Variants in PTPRU observed in about 807,000 individuals in gnomAD.
PTPRU encodes protein tyrosine phosphatase receptor type U, also known as receptor-type tyrosine-protein phosphatase U.
A neutral mutation model predicts 166.3 loss-of-function variants in PTPRU; 69 were observed. That is an observed-to-expected ratio of 0.41 (90% CI 0.34 to 0.51). The LOEUF is 0.51. PTPRU is among the 20% of genes least tolerant of loss of function. PTPRU has a pLI of 0.09. For missense variants in PTPRU, 1,657 were observed against 2,013.7 expected, an observed-to-expected ratio of 0.82 and a Z score of 3.39; for synonymous variants, 793 against 814.0, an observed-to-expected ratio of 0.97 and a Z score of 0.44.
intron 14 of PTPRU, among the ~76,000 whole-genome samples, chr1:29,286,881 T>C (rs1172014348): frequency 1.3e-5 from 2 of 152,116 alleles, no homozygotes; most frequent in Non-Finnish European, 2.9e-5. Flanking sequence ...ACTCTGGACC[T>C]CCTTACTTCC....
intron 18 of PTPRU, among the ~76,000 whole-genome samples, chr1:29,308,394 T>C (rs907340304): frequency 2.0e-5 from 3 of 151,056 alleles, no homozygotes; most frequent in Non-Finnish European, 3.0e-5. Flanking sequence ...CATAGTGAGA[T>C]TGCCTCTACA....
chr1:29,297,629 G>T (rs1686951746), intron 15 of PTPRU, among the ~76,000 whole-genome samples: 1 of 152,192 alleles, frequency 6.6e-6, no homozygotes, highest in Non-Finnish European at 1.5e-5. Context: ...ACAGGGAGAG[G>T]TGTGACTGCA....
rs115910206 is a variant in PTPRU, at chr1:29,250,925, A to G, written c.74-4350A>G. 2.9e-3 allele frequency among the ~76,000 whole-genome samples: 441 copies of G among 152,324 alleles called. 3 individuals carry two copies. The highest frequency in any genetic ancestry group is 9.8e-3 in the African/African-American group (408 of 41,572). ...CAGAGACACAGGTCTAGAGACGGAC[A>G]TGGGTCAGGGAGAGGGAGTGAATCT... is the stretch of plus-strand genomic sequence containing the variant. On this transcript the variant is annotated intron_variant, in intron 1 of 29. Coordinates refer to ENST00000373779, the MANE Select transcript of PTPRU (RefSeq NM_133178.4).
intron 3 of PTPRU, 99 bp downstream of exon 3, chr1:29,258,875 G>A: frequency 1.1e-5 from 16 of 1,475,338 alleles, no homozygotes; most frequent in East Asian, 2.3e-5. Flanking sequence ...GTTAGAATGT[G>A]TCTGCATTCA....
chr1:29,324,151 TCCATCCATCCATCCAC>T (rs1688296123), intron 28 of PTPRU, among the ~76,000 whole-genome samples: 1 of 152,200 alleles, frequency 6.6e-6, no homozygotes, highest in South Asian at 2.1e-4. Flanking sequence ...ACTTTTTCCA[TCCATCCATCCATCCAC>T]CCATCCATCC....
chr1:29,283,763 C>G (rs1487855172), intron 12 of PTPRU, 177 bp from the exon 13 acceptor site: 2 of 708,622 alleles, frequency 2.8e-6, no homozygotes, highest in Admixed American at 4.8e-5. Context: ...GGTGCCTCCC[C>G]TCTAGGCCCC....
chr1:29,295,525 A>G (rs2151959507), intron 15 of PTPRU, among the ~76,000 whole-genome samples: 1 of 152,304 alleles, frequency 6.6e-6, no homozygotes, highest in Non-Finnish European at 1.5e-5. Flanking sequence ...GTCTTTCAAT[A>G]ATTCTCTCCA....
Position 29,320,874 on chromosome 1 carries a change from CTG to C in PTPRU, c.3828+53_3828+54del, listed in dbSNP as rs763724536. 1 of 1,487,966 alleles carries C rather than the reference CTG, an allele frequency of 6.7e-7. No individual in the cohort carries two copies. The highest frequency in any genetic ancestry group is 1.4e-5 in the African/African-American group (1 of 71,586). 92.2% of individuals were successfully genotyped at this position (1,487,966 alleles called of 1,614,324 possible). ...AATGGGCCGCCTGCTCCCAGGTCCT[CTG>C]TGTATTCAGGGCCATGGTCCCCAAA... On this transcript the variant is annotated intron_variant, in intron 26 of 29. Coordinates refer to ENST00000373779, the MANE Select transcript of PTPRU (RefSeq NM_133178.4). The surrounding 1 kb of genome is among the most constrained non-coding windows in gnomAD (Gnocchi z 5.2).
Position 29,317,663 on chromosome 1 carries a change from C to A in PTPRU, c.3514-85C>A. 1 of 1,403,752 alleles carries A rather than the reference C, an allele frequency of 7.1e-7. No individual in the cohort carries two copies. Among genetic ancestry groups the A allele is most frequent in the Non-Finnish European group, 9.6e-7 (1 of 1,036,888 alleles). 87.0% of individuals were successfully genotyped at this position (1,403,752 alleles called of 1,614,324 possible). ...TCCATCCATAAAATGGGATTAGTAACTCAGTCCAGCCTCCTTCATGGGGAT... is the reference window on the plus strand; with the variant it reads ...TCCATCCATAAAATGGGATTAGTAAATCAGTCCAGCCTCCTTCATGGGGAT... On this transcript the variant is annotated intron_variant, in intron 24 of 29. Transcript: ENST00000373779. This position sits in a 1 kb window ranked among gnomAD's most constrained non-coding sequence, Gnocchi z 5.6.
rs192037486 is a variant in PTPRU, at chr1:29,273,801, C to T, written c.1145-1647C>T. Among the ~76,000 whole-genome samples the T allele has an allele frequency of 1.6e-4, 25 of 152,230 alleles. No individual in the cohort carries two copies. The East Asian group carries it at 1.9e-3, about 12-fold the overall frequency. ...GCACCTCCCTTCTGCTGGGGTAGCT[C>T]GCTCTCTCCTGAGGCATCAGTGAAT... is the stretch of plus-strand genomic sequence containing the variant. On this transcript the variant is annotated intron_variant, in intron 7 of 29. Transcript: ENST00000373779.
chr1:29,319,639 G>C (rs1396817395), intron 25 of PTPRU, among the ~76,000 whole-genome samples: 1 of 152,244 alleles, frequency 6.6e-6, no homozygotes, highest in Non-Finnish European at 1.5e-5. Context: ...GTCCTGGAGA[G>C]AGATCGCTGG....
Position 29,280,981 on chromosome 1 carries a change from G to A in PTPRU, c.1868+840G>A, listed in dbSNP as rs775624065. ...CAAGGCCACACAGCTAGTAAGTGGT[G>A]GAGCTGGGATTTGGAAGCCAGGTCT... On this transcript the variant is annotated intron_variant, in intron 11 of 29. Coordinates refer to ENST00000373779, the MANE Select transcript of PTPRU (RefSeq NM_133178.4). This position sits in a 1 kb window ranked among gnomAD's most constrained non-coding sequence, Gnocchi z 4.2. 2.0e-5 allele frequency among the ~76,000 whole-genome samples: 3 copies of A among 152,190 alleles called. No individual in the cohort carries two copies. The highest frequency in any genetic ancestry group is 4.4e-5 in the Non-Finnish European group (3 of 68,036).
intron 14 of PTPRU, among the ~76,000 whole-genome samples, chr1:29,290,658 C>T (rs1176402721): frequency 6.6e-6 from 1 of 152,262 alleles, no homozygotes; most frequent in Non-Finnish European, 1.5e-5. Context: ...AACAACTCAA[C>T]ACCCAGCGAC....
Position 29,260,915 on chromosome 1 carries a change from A to C in PTPRU, c.1144+12A>C, listed in dbSNP as rs114348199. On this transcript the variant is annotated intron_variant, in intron 7 of 29. Transcript: ENST00000373779. The surrounding 1 kb of genome is among the most constrained non-coding windows in gnomAD (Gnocchi z 8.3). ...CACCAAATGCGCAGGTGGGTGCAGC[A>C]GCTACCCCTGGCCTCAGTCTCTGGT... The C allele has an allele frequency of 1.6e-3, 2,464 of 1,533,442 alleles. 38 individuals are homozygous for C. The African/African-American group carries it at 0.031, about 19-fold the overall frequency. The allele number at this position is 1,533,442 out of a possible 1,614,324, so 95.0% of individuals were successfully genotyped here. A position where few individuals can be genotyped will look rare whatever the true frequency, so the allele number is the denominator to read the frequency against.
chr1:29,247,062 G>A (rs1684330359), intron 1 of PTPRU, among the ~76,000 whole-genome samples: 1 of 152,174 alleles, frequency 6.6e-6, no homozygotes, highest in South Asian at 2.1e-4. Flanking sequence ...TTCACTCACT[G>A]CCCCTTTCCC....
At chr1:29,298,747 G>A (rs1481003102) in intron 15 of PTPRU, among the ~76,000 whole-genome samples, 1 of 152,146 alleles carries the variant, frequency 6.6e-6, no homozygotes, top group Non-Finnish European at 1.5e-5. Flanking sequence ...GGGACAGCAG[G>A]GTCTCAGAGT....
chr1:29,309,670 T>A (rs1687559137), intron 18 of PTPRU, among the ~76,000 whole-genome samples: 1 of 152,232 alleles, frequency 6.6e-6, no homozygotes, highest in Admixed American at 6.5e-5. Context: ...GCTGTAATTA[T>A]TCCATTTTAT....
intron 2 of PTPRU, 72 bp downstream of exon 2, chr1:29,255,478 CCTTGGGCACATTACTTAACCT>C (rs1322072721): frequency 3.2e-6 from 5 of 1,583,982 alleles, no homozygotes; most frequent in Non-Finnish European, 3.5e-6. Context: ...TGCTGTGTGA[CCTTGGGCACATTACTTAACCT>C]CTCTGGGCCC....
At chr1:29,305,739 C>T (rs1322379322) in intron 18 of PTPRU, 11 of 536,834 alleles carry the variant, frequency 2.0e-5, no homozygotes, top group East Asian at 9.4e-5. Context: ...GGATTCTCAT[C>T]GTGCACCATG....
Sources: allele counts gnomAD v4.1 joint callset (sites outside exome capture counted in the v4.1 genomes callset), GRCh38; gene constraint gnomAD v4.1.1; non-coding constraint Gnocchi (gnomAD v3.1); transcripts MANE v1.5; gene names NCBI Gene and HGNC (gene_info 2026-07-23, HGNC 2026-07-21).